The following SIK3 variants were observed in gnomAD, a reference collection of about 807,000 sequenced individuals.
SIK3 encodes the protein SIK family kinase 3, also known as serine/threonine-protein kinase SIK3.
A neutral mutation model predicts 144.2 loss-of-function variants in SIK3; 28 were observed. That is an observed-to-expected ratio of 0.19 (90% CI 0.14 to 0.27). The LOEUF (loss-of-function observed/expected upper bound fraction) is 0.27, where lower values mean the gene tolerates loss of function less well. Ranked by LOEUF, SIK3 falls within the 10% of genes least tolerant of loss-of-function variation. The pLI is 1.00. For synonymous variants in SIK3, 686 were observed against 676.3 expected (o/e 1.01, Z -0.22); for missense variants, 1,319 against 1,776.0 (o/e 0.74, Z 4.62).
At chr11:116,972,133 A>T (rs971997388) in intron 1 of SIK3, among the ~76,000 whole-genome samples, 5 of 152,050 alleles carry the variant, frequency 3.3e-5, no homozygotes, top group Admixed American at 6.6e-5. Context: ...TTAACTCTTA[A>T]CCCATACAAC....
intron 1 of SIK3, 70 bp downstream of exon 1, chr11:117,098,073 C>G (rs1055339520): frequency 6.5e-6 from 8 of 1,232,070 alleles, no homozygotes; most frequent in African/African-American, 1.6e-5. Flanking sequence ...CCCCGACCCC[C>G]CGGCTGGGGG....
rs1310998522 is a variant in SIK3 at position 116,867,283 on chromosome 11, C to G, written c.1952+663G>C. On this transcript the variant is annotated intron_variant, in intron 15 of 24. Coordinates refer to ENST00000445177, the MANE Select transcript of SIK3 (RefSeq NM_001366686.3). This position sits in a 1 kb window ranked among gnomAD's most constrained non-coding sequence, Gnocchi z 4.1. ...CACAGAAGATAATCATCTTCTTCAA[C>G]TAGCAAAGTGTCATTCCGCAGCTGC... Among the ~76,000 whole-genome samples the G allele has an allele frequency of 2.6e-5, 4 of 152,200 alleles. No homozygotes were observed. Among genetic ancestry groups the G allele is most frequent in the Non-Finnish European group, 5.9e-5 (4 of 68,040 alleles).
At chr11:116,848,630 G>C (rs1188679995) in intron 22 of SIK3, among the ~76,000 whole-genome samples, 2 of 152,218 alleles carry the variant, frequency 1.3e-5, no homozygotes, top group Non-Finnish European at 2.9e-5. Context: ...ACAGGGAACA[G>C]ATGGCAACTA....
chr11:117,031,495 C>CATTTTATTTTATTTT (rs57767677), intron 1 of SIK3, among the ~76,000 whole-genome samples: 46 of 146,204 alleles, frequency 3.1e-4, no homozygotes, highest in East Asian at 2.4e-3. Flanking sequence ...ATGAATACAG[C>CATTTTATTTTATTTT]ATTTTATTTT....
At chr11:116,938,667 A>G in intron 3 of SIK3, among the ~76,000 whole-genome samples, 1 of 144,858 alleles carries the variant, frequency 6.9e-6, no homozygotes, top group East Asian at 2.0e-4. Context: ...AGAGGAGACC[A>G]AACCAGAATT....
intron 21 of SIK3, among the ~76,000 whole-genome samples, chr11:116,854,587 G>C (rs640411): frequency 0.056 from 8,570 of 152,192 alleles, 505 homozygotes; most frequent in African/African-American, 0.15. Context: ...ACCTACAGTA[G>C]AGTCTTGTGC....
intron 1 of SIK3, among the ~76,000 whole-genome samples, chr11:117,057,593 G>A (rs1024090465): frequency 2.0e-5 from 3 of 152,122 alleles, no homozygotes; most frequent in African/African-American, 7.2e-5. Context: ...TTCTGACCTC[G>A]AGGAGCTTAG....
At chr11:116,992,886 G>A (rs186056585) in intron 1 of SIK3, among the ~76,000 whole-genome samples, 1 of 152,284 alleles carries the variant, frequency 6.6e-6, no homozygotes, top group East Asian at 1.9e-4. Flanking sequence ...TTGGGAGGCT[G>A]AGGTGGGAGG....
chr11:116,957,410 C>T (rs1399360797), intron 1 of SIK3, among the ~76,000 whole-genome samples: 1 of 152,050 alleles, frequency 6.6e-6, no homozygotes, highest in East Asian at 1.9e-4. Flanking sequence ...CAGGGTCTCT[C>T]ATTAAGACAA....
chr11:116,936,519 C>T (rs1399761088), intron 3 of SIK3, among the ~76,000 whole-genome samples: 1 of 152,172 alleles, frequency 6.6e-6, no homozygotes, highest in African/African-American at 2.4e-5. Context: ...CCTAGTTCTC[C>T]TCCTGAATCC....
At chr11:116,880,373 T>C (rs1565402490) in intron 6 of SIK3, among the ~76,000 whole-genome samples, 1 of 151,530 alleles carries the variant, frequency 6.6e-6, no homozygotes, top group Non-Finnish European at 1.5e-5. Context: ...TACTCAACGA[T>C]GTCCTATGAA....
At chr11:116,937,644 C>A (rs1410608162) in intron 3 of SIK3, among the ~76,000 whole-genome samples, 4 of 152,060 alleles carry the variant, frequency 2.6e-5, no homozygotes, top group Non-Finnish European at 5.9e-5. Flanking sequence ...TCACTCATAT[C>A]AAAAAAGTGA....
intron 1 of SIK3, among the ~76,000 whole-genome samples, chr11:117,089,661 G>A (rs1017742371): frequency 2.6e-5 from 4 of 152,150 alleles, no homozygotes; most frequent in African/African-American, 7.2e-5. Context: ...GCTATGAAAA[G>A]TAAAGTATAC....
chr11:116,926,378 T>G (rs904767964), intron 4 of SIK3, among the ~76,000 whole-genome samples: 2 of 152,204 alleles, frequency 1.3e-5, no homozygotes, highest in South Asian at 4.1e-4. Flanking sequence ...AAATTAAGCA[T>G]GAACAGATCA....
At chr11:116,857,008 T>C (rs1276744424) in intron 21 of SIK3, 3 of 152,240 alleles carry the variant, frequency 2.0e-5, no homozygotes, top group African/African-American at 4.8e-5. Context: ...CTAGGATGAA[T>C]GCCGTGATGC....
chr11:117,049,453 C>T lies in SIK3; in HGVS notation c.273+48690G>A, dbSNP rs142341972. On this transcript the variant is annotated intron_variant, in intron 1 of 24. Transcript: ENST00000445177. ...ATTACCCAAGCATCATGGTGCATGCCTATAATCCCAGCTACTTGGGAGGCT... is the reference window on the plus strand; with the variant it reads ...ATTACCCAAGCATCATGGTGCATGCTTATAATCCCAGCTACTTGGGAGGCT... Among the ~76,000 whole-genome samples the T allele has an allele frequency of 0.011, 1,690 of 151,260 alleles. 55 individuals are homozygous for T. The East Asian group carries it at 0.12, about 11-fold the overall frequency.
At chr11:117,041,901 T>C (rs1202511846) in intron 1 of SIK3, among the ~76,000 whole-genome samples, 2 of 126,564 alleles carry the variant, frequency 1.6e-5, no homozygotes, top group African/African-American at 8.2e-5. Context: ...AGCCCGTTTA[T>C]CCCTACTCTT....
intron 1 of SIK3, among the ~76,000 whole-genome samples, chr11:116,963,480 T>G (rs2135428056): frequency 6.6e-6 from 1 of 152,352 alleles, no homozygotes; most frequent in South Asian, 2.1e-4. Flanking sequence ...TCAGAGCAAT[T>G]GCAGCATCAT....
rs34155083 is a variant in SIK3 at position 116,914,206 on chromosome 11, AT to A, written c.616+13012del. Among the ~76,000 whole-genome samples the A allele has an allele frequency of 9.7e-3, 1,297 of 133,948 alleles. 12 individuals are homozygous for A. Among genetic ancestry groups the A allele is most frequent in the African/African-American group, 0.016 (565 of 35,318 alleles). The allele number at this position is 133,948 out of a possible 152,430, so 87.9% of individuals were successfully genotyped here. A position where few individuals can be genotyped will look rare whatever the true frequency, so the allele number is the denominator to read the frequency against. On this transcript the variant is annotated intron_variant, in intron 4 of 24. Coordinates refer to ENST00000445177, the MANE Select transcript of SIK3 (RefSeq NM_001366686.3). ...TGGGAATAAAGTACTCCCCTTCTCA[AT>A]TTTTTTTTTTTTTTTTTTTGAGATG...
Sources: allele counts gnomAD v4.1 joint callset (sites outside exome capture counted in the v4.1 genomes callset), GRCh38; gene constraint gnomAD v4.1.1; non-coding constraint Gnocchi (gnomAD v3.1); transcripts MANE v1.5; gene names NCBI Gene and HGNC (gene_info 2026-07-23, HGNC 2026-07-21).